The following METAP1D variants were observed in gnomAD, a reference collection of about 807,000 sequenced individuals.
The protein encoded by METAP1D is methionine aminopeptidase 1D, mitochondrial.
A neutral mutation model predicts 40.5 loss-of-function variants in METAP1D; 31 were observed. The ratio of observed to expected loss-of-function variants is 0.77; its 90% CI spans 0.58 to 1.03. The LOEUF (loss-of-function observed/expected upper bound fraction) is 1.03. Among genes scored for constraint, METAP1D ranks in the 50% least tolerant of loss-of-function variants. The pLI is 0.00. For missense variants in METAP1D, 411 were observed against 420.7 expected (o/e 0.98, Z 0.20); for synonymous variants, 151 against 146.4 (o/e 1.03, Z -0.22).
chr2:172,042,984 TGTGTGC>T (rs1229286667), intron 1 of METAP1D, among the ~76,000 whole-genome samples: 1 of 126,328 alleles, frequency 7.9e-6, no homozygotes. Context: ...TGCATACATA[TGTGTGC>T]GTGTGTACAC....
intron 1 of METAP1D, among the ~76,000 whole-genome samples, chr2:172,022,904 A>T (rs144087452): frequency 3.9e-5 from 6 of 152,230 alleles, no homozygotes; most frequent in African/African-American, 1.4e-4. Context: ...GTTTGTTTGC[A>T]GCCGGGTGTG....
At chr2:172,051,749 A>G (rs1689888806) in intron 1 of METAP1D, among the ~76,000 whole-genome samples, 2 of 152,258 alleles carry the variant, frequency 1.3e-5, no homozygotes, top group East Asian at 1.9e-4. Flanking sequence ...CAGGCTGTAG[A>G]TGAATTCTGA....
chr2:172,077,845 A>T lies in METAP1D; in HGVS notation c.753A>T (p.Gly251=). 3 of 1,612,622 alleles carry T rather than the reference A, an allele frequency of 1.9e-6. No homozygotes were observed. Among genetic ancestry groups the T allele is most frequent in the Non-Finnish European group, 2.5e-6 (3 of 1,179,080 alleles). The part of the protein sequence containing the change: ...NGFQVCPHFV[G]HGIGSYFHGH... ...TTCAAGTCTGTCCACATTTTGTGGG[A>T]CATGGAATAGGATCTTACTTTCATG... is the stretch of plus-strand genomic sequence containing the variant. Residue 251 remains glycine (G), a synonymous_variant, in exon 7 of 10, where the codon GGA becomes GGT. Coordinates refer to ENST00000315796, the MANE Select transcript of METAP1D (RefSeq NM_199227.3).
At chr2:172,049,229 C>T (rs35881445) in intron 1 of METAP1D, among the ~76,000 whole-genome samples, 16,757 of 152,126 alleles carry the variant, frequency 0.11, 1,140 homozygotes, top group South Asian at 0.24. Flanking sequence ...AAGCGATTCA[C>T]AGGCCTTAGT....
intron 1 of METAP1D, among the ~76,000 whole-genome samples, chr2:172,004,449 G>A (rs1688533853): frequency 6.6e-6 from 1 of 151,978 alleles, no homozygotes; most frequent in African/African-American, 2.4e-5. Flanking sequence ...TCAGCCTCTT[G>A]AGTAGTGGGA....
intron 1 of METAP1D, among the ~76,000 whole-genome samples, chr2:172,039,575 TCTTAG>T (rs1689466777): frequency 6.6e-6 from 1 of 152,170 alleles, no homozygotes; most frequent in South Asian, 2.1e-4. Context: ...ACACTTCACT[TCTTAG>T]AAGTCGTCAG....
At chr2:172,061,145 A>G (rs1477626230) in intron 1 of METAP1D, among the ~76,000 whole-genome samples, 1 of 152,198 alleles carries the variant, frequency 6.6e-6, no homozygotes, top group Admixed American at 6.5e-5. Flanking sequence ...CCATCAAAAC[A>G]GTGCCCTGAA....
intron 5 of METAP1D, 125 bp from the exon 6 acceptor site, chr2:172,070,782 G>A (rs1342606071): frequency 1.4e-6 from 1 of 719,814 alleles, no homozygotes; most frequent in Non-Finnish European, 2.1e-6. Context: ...TTTTTTGATA[G>A]GCAAATGAAT....
At chr2:172,010,515 A>T (rs1244327672) in intron 1 of METAP1D, among the ~76,000 whole-genome samples, 1 of 64,922 alleles carries the variant, frequency 1.5e-5, no homozygotes, top group Non-Finnish European at 3.7e-5. Context: ...TTTTTTTTTA[A>T]CAGAATCTCA....
chr2:172,078,631 G>A (rs568967612), intron 7 of METAP1D, among the ~76,000 whole-genome samples: 10 of 152,276 alleles, frequency 6.6e-5, no homozygotes, highest in African/African-American at 2.2e-4. Flanking sequence ...CTCGAGGATC[G>A]CTGGACACCC....
intron 1 of METAP1D, among the ~76,000 whole-genome samples, chr2:172,004,839 GA>G (rs1423817360): frequency 6.6e-6 from 1 of 152,088 alleles, no homozygotes; most frequent in Non-Finnish European, 1.5e-5. Context: ...AAATACTTAT[GA>G]AACCTTGGCT....
chr2:172,037,086 C>T (rs983656098), intron 1 of METAP1D, among the ~76,000 whole-genome samples: 4 of 151,986 alleles, frequency 2.6e-5, no homozygotes, highest in Admixed American at 2.6e-4. Flanking sequence ...ATGGAGAAAC[C>T]CTGTCTCTAC....
chr2:172,060,170 C>T (rs1003645684), intron 1 of METAP1D, among the ~76,000 whole-genome samples: 1 of 152,186 alleles, frequency 6.6e-6, no homozygotes, highest in South Asian at 2.1e-4. Context: ...AACCTCAACA[C>T]TTTGGGAGGC....
chr2:172,017,098 C>T (rs143189956), intron 1 of METAP1D, among the ~76,000 whole-genome samples: 53 of 152,112 alleles, frequency 3.5e-4, no homozygotes, highest in African/African-American at 1.1e-3. Context: ...ATTCCCAGAT[C>T]CCCTCTGGAC....
At chr2:172,078,074 A>G (rs911318172) in intron 7 of METAP1D, among the ~76,000 whole-genome samples, 180 bp downstream of exon 7, 30 of 152,214 alleles carry the variant, frequency 2.0e-4, no homozygotes, top group Non-Finnish European at 3.8e-4. Flanking sequence ...TTACTGTGTT[A>G]CTGGATTAGA....
chr2:172,018,500 G>A (rs969132649), intron 1 of METAP1D, among the ~76,000 whole-genome samples: 2 of 152,156 alleles, frequency 1.3e-5, no homozygotes, highest in Admixed American at 1.3e-4. Flanking sequence ...GAACTAAAAC[G>A]AAGAACTGCT....
intron 1 of METAP1D, among the ~76,000 whole-genome samples, chr2:172,058,843 G>C (rs1453050490): frequency 1.3e-5 from 2 of 152,210 alleles, no homozygotes; most frequent in African/African-American, 4.8e-5. Flanking sequence ...CTGAATCACT[G>C]ATCATTGCGG....
chr2:172,059,653 T>G (rs899497279), intron 1 of METAP1D, among the ~76,000 whole-genome samples: 1 of 152,240 alleles, frequency 6.6e-6, no homozygotes, highest in Non-Finnish European at 1.5e-5. Flanking sequence ...AAAAACCATT[T>G]TTAGGTTTTG....
intron 3 of METAP1D, among the ~76,000 whole-genome samples, chr2:172,065,255 G>A (rs552080660): frequency 1.3e-5 from 2 of 152,288 alleles, no homozygotes; most frequent in South Asian, 4.1e-4. Flanking sequence ...GTAGCCCAGG[G>A]CACCAATCAT....
Sources: gnomAD v4.1 joint callset for allele counts (sites outside exome capture counted in the v4.1 genomes callset) on GRCh38, gnomAD v4.1.1 for gene constraint, MANE v1.5 for transcripts, NCBI Gene and HGNC (gene_info 2026-07-23, HGNC 2026-07-21) for gene names.